Variants in FBXO34 observed in about 807,000 individuals in gnomAD.
FBXO34 encodes F-box protein 34, also known as F-box only protein 34.
Under a neutral mutation model 24.5 loss-of-function variants are expected in FBXO34, and 12 were observed. That is an observed-to-expected ratio of 0.49 (90% confidence interval 0.31 to 0.79). The LOEUF is 0.79. FBXO34 is among the 30% of genes least tolerant of loss of function. The pLI, the probability that FBXO34 is intolerant of heterozygous loss-of-function variation, is 0.04. For synonymous variants in FBXO34, 320 were observed against 311.9 expected (o/e 1.03, Z -0.27); for missense variants, 823 against 857.7 (o/e 0.96, Z 0.51).
At chr14:55,313,295 G>A (rs1882811772) in intron 1 of FBXO34, among the ~76,000 whole-genome samples, 3 of 152,122 alleles carry the variant, frequency 2.0e-5, no homozygotes, top group Non-Finnish European at 4.4e-5. Context: ...CTCTTCATCT[G>A]AGACCACCTC....
At chr14:55,361,356 T>C (rs940292377) in intron 3 of FBXO34, among the ~76,000 whole-genome samples, 1 of 152,272 alleles carries the variant, frequency 6.6e-6, no homozygotes. Context: ...ATTGTGGGCT[T>C]AATCTGTAAA....
chr14:55,428,973 C>T, the FBXO34 span: 3 of 1,613,876 alleles, frequency 1.9e-6, no homozygotes, highest in African/African-American at 1.3e-5. Context: ...GACTGCTCTT[C>T]ACTGGGGAGG....
the FBXO34 span, among the ~76,000 whole-genome samples, chr14:55,404,936 G>T: frequency 6.6e-6 from 1 of 152,102 alleles, no homozygotes; most frequent in Non-Finnish European, 1.5e-5. Flanking sequence ...GGGTAGGGAA[G>T]AAATGAGATA....
At chr14:55,302,335 CAT>C (rs1264793817) in intron 1 of FBXO34, among the ~76,000 whole-genome samples, 1 of 152,022 alleles carries the variant, frequency 6.6e-6, no homozygotes. Context: ...GGATAATTGT[CAT>C]CTGTTAGTTT....
In FBXO34 at chr14:55,353,561, T is replaced by G. The variant is rs1255276753; in HGVS notation, c.*1035T>G. On this transcript the variant is annotated 3_prime_UTR_variant, in exon 2 of 2. Coordinates refer to ENST00000313833, the MANE Select transcript of FBXO34 (RefSeq NM_017943.4). Reference sequence around the variant, plus strand: ...ACATTCTTGTCTACTTTATCCTGTCTGGTTACAAAATTTTTTAAAACTTAA... The same window carrying G: ...ACATTCTTGTCTACTTTATCCTGTCGGGTTACAAAATTTTTTAAAACTTAA... 1.2e-5 allele frequency: 2 copies of G among 167,138 alleles called. No individual in the cohort carries two copies. The highest frequency in any genetic ancestry group is 2.9e-5 in the Non-Finnish European group (2 of 68,134). 10.4% of individuals were successfully genotyped at this position (167,138 alleles called of 1,614,324 possible).
At chr14:55,432,682 G>A in the FBXO34 span, among the ~76,000 whole-genome samples, 1 of 152,132 alleles carries the variant, frequency 6.6e-6, no homozygotes, top group Non-Finnish European at 1.5e-5. Context: ...AAAGAATATC[G>A]ACACCCAGTG....
At chr14:55,275,952 AAGAC>A (rs915819739) in intron 1 of FBXO34, among the ~76,000 whole-genome samples, 3 of 131,476 alleles carry the variant, frequency 2.3e-5, no homozygotes, top group African/African-American at 1.0e-4. Context: ...ATCATAGCCC[AAGAC>A]AGACAAAGGG....
chr14:55,436,766 G>T, the FBXO34 span: 8 of 1,614,190 alleles, frequency 5.0e-6, no homozygotes, highest in Non-Finnish European at 6.8e-6. Context: ...CTGGGTGATG[G>T]CAACCTACTT....
the FBXO34 span, among the ~76,000 whole-genome samples, chr14:55,416,001 A>T: frequency 6.6e-6 from 1 of 152,252 alleles, no homozygotes. Context: ...GTCACATGTT[A>T]TAAGATTCTA....
At chr14:55,320,739 A>T (rs1281255983) in intron 1 of FBXO34, among the ~76,000 whole-genome samples, 1 of 152,230 alleles carries the variant, frequency 6.6e-6, no homozygotes, top group Non-Finnish European at 1.5e-5. Flanking sequence ...CCTGTGTGAC[A>T]GAGCAAGACT....
At chr14:55,417,187 C>T in the FBXO34 span, among the ~76,000 whole-genome samples, 1 of 152,156 alleles carries the variant, frequency 6.6e-6, no homozygotes, top group African/African-American at 2.4e-5. Flanking sequence ...GTTACCTGAA[C>T]CATACAGCAG....
At chr14:55,286,960 G>A (rs948942948) in intron 1 of FBXO34, among the ~76,000 whole-genome samples, 3 of 147,986 alleles carry the variant, frequency 2.0e-5, no homozygotes, top group Middle Eastern at 3.5e-3. Context: ...CCAGGCTGGA[G>A]TGCAGTGGCT....
At chr14:55,386,037 G>A in the FBXO34 span, 3 of 1,614,002 alleles carry the variant, frequency 1.9e-6, no homozygotes, top group Non-Finnish European at 2.5e-6. Flanking sequence ...TCTTGGTGCC[G>A]TTGTGCTCGA....
chr14:55,333,891 A>G (rs551938963), intron 1 of FBXO34, among the ~76,000 whole-genome samples: 1 of 152,308 alleles, frequency 6.6e-6, no homozygotes, highest in African/African-American at 2.4e-5. Flanking sequence ...GAGGTCACCT[A>G]ACTCATAGCT....
At chr14:55,300,896 A>G (rs983663435) in intron 1 of FBXO34, among the ~76,000 whole-genome samples, 3 of 152,224 alleles carry the variant, frequency 2.0e-5, no homozygotes, top group East Asian at 1.9e-4. Context: ...CCCAATGAGC[A>G]TACTAAATGT....
At chr14:55,425,982 AG>A in the FBXO34 span, among the ~76,000 whole-genome samples, 1 of 152,114 alleles carries the variant, frequency 6.6e-6, no homozygotes, top group African/African-American at 2.4e-5. Flanking sequence ...AAAATTAAAG[AG>A]GGGGCCGGGT....
the FBXO34 span, among the ~76,000 whole-genome samples, chr14:55,425,141 G>T: frequency 2.0e-5 from 3 of 152,180 alleles, no homozygotes; most frequent in African/African-American, 7.2e-5. Context: ...CCTTTTACTG[G>T]CTCCAGAAAG....
intron 1 of FBXO34, among the ~76,000 whole-genome samples, chr14:55,288,086 A>C (rs1881821962): frequency 6.6e-6 from 1 of 152,192 alleles, no homozygotes; most frequent in Non-Finnish European, 1.5e-5. Flanking sequence ...GCTATCAGCC[A>C]GGAGGTATAA....
intron 1 of FBXO34, among the ~76,000 whole-genome samples, chr14:55,329,160 C>T (rs1384569823): frequency 2.4e-5 from 2 of 82,858 alleles, no homozygotes; most frequent in African/African-American, 3.8e-5. Flanking sequence ...TTCTAAAATT[C>T]ATGCAGCTGA....
Sources: allele counts gnomAD v4.1 joint callset (sites outside exome capture counted in the v4.1 genomes callset), GRCh38; gene constraint gnomAD v4.1.1; transcripts MANE v1.5; gene names NCBI Gene and HGNC (gene_info 2026-07-23, HGNC 2026-07-21).